The following NPAS3 variants were observed in gnomAD, a reference collection of about 807,000 sequenced individuals.
NPAS3 encodes the protein neuronal PAS domain-containing protein 3.
In NPAS3, 14 loss-of-function variants were observed where a neutral mutation model predicts 73.1. That is an observed-to-expected ratio of 0.19 (90% CI 0.13 to 0.30). The LOEUF (loss-of-function observed/expected upper bound fraction) is 0.30. Ranked by LOEUF, NPAS3 falls within the 10% of genes least tolerant of loss-of-function variation. The pLI is 1.00. For synonymous variants in NPAS3, 620 were observed against 541.5 expected (o/e 1.14, Z -2.01); for missense variants, 1,096 against 1,250.0 (o/e 0.88, Z 1.86).
At chr14:33,331,605 T>G (rs1448420933) in intron 3 of NPAS3, among the ~76,000 whole-genome samples, 1 of 151,970 alleles carries the variant, frequency 6.6e-6, no homozygotes, top group East Asian at 1.9e-4. Context: ...TATTACTGTT[T>G]CTGGGACTCC....
rs188871437 is a variant in NPAS3, at chr14:33,147,754, T to C, written c.141-67428T>C. 9.8e-3 allele frequency among the ~76,000 whole-genome samples: 1,395 copies of C among 142,414 alleles called. 14 individuals are homozygous for C. Among genetic ancestry groups the C allele is most frequent in the African/African-American group, 0.016 (596 of 37,120 alleles). The allele number at this position is 142,414 out of a possible 152,430, so 93.4% of individuals were successfully genotyped here. A position where few individuals can be genotyped will look rare whatever the true frequency, so the allele number is the denominator to read the frequency against. On this transcript the variant is annotated intron_variant, in intron 2 of 11. Coordinates refer to ENST00000356141, the Ensembl canonical transcript of NPAS3. ...AAATATATATATATATATATATATA[T>C]ACACACAAAAAAGTTTGGATTAAAA...
intron 2 of NPAS3, among the ~76,000 whole-genome samples, chr14:33,139,561 T>C (rs1025599464): frequency 6.6e-6 from 1 of 152,152 alleles, no homozygotes; most frequent in Non-Finnish European, 1.5e-5. Context: ...CTGAGTATGT[T>C]GGCATATTAA....
intron 2 of NPAS3, among the ~76,000 whole-genome samples, chr14:33,136,058 CTTT>C (rs34308954): frequency 6.9e-5 from 8 of 115,426 alleles, no homozygotes; most frequent in Admixed American, 1.8e-4. Context: ...TACCTTTTTT[CTTT>C]TTTTTTTTTT....
intron 3 of NPAS3, among the ~76,000 whole-genome samples, chr14:33,298,280 C>G (rs2042388104): frequency 6.6e-6 from 1 of 152,196 alleles, no homozygotes; most frequent in Admixed American, 6.5e-5. Context: ...GAGCCTCCAT[C>G]TCAAAAACAA....
intron 5 of NPAS3, among the ~76,000 whole-genome samples, chr14:33,572,534 T>C (rs2056256919): frequency 1.3e-5 from 2 of 152,292 alleles, no homozygotes; most frequent in South Asian, 4.1e-4. Context: ...TTAAATAGCT[T>C]GCCCAAGATC....
At chr14:33,556,351 G>C (rs1157727617) in intron 4 of NPAS3, among the ~76,000 whole-genome samples, 2 of 152,116 alleles carry the variant, frequency 1.3e-5, no homozygotes, top group African/African-American at 2.4e-5. Context: ...AATATCAGGA[G>C]GTATCCCAGA....
intron 3 of NPAS3, among the ~76,000 whole-genome samples, chr14:33,230,209 G>A (rs1233049097): frequency 1.3e-5 from 2 of 152,160 alleles, no homozygotes; most frequent in African/African-American, 2.4e-5. Flanking sequence ...TTTAAGTGCT[G>A]AAGGAAATGC....
chr14:33,383,206 A>G (rs769996254), intron 4 of NPAS3, among the ~76,000 whole-genome samples: 3 of 151,510 alleles, frequency 2.0e-5, no homozygotes, highest in Non-Finnish European at 2.9e-5. Context: ...TTCCTGTTAG[A>G]TTGTAAGCAA....
At chr14:33,212,702 GCC>G (rs1418418052) in intron 2 of NPAS3, among the ~76,000 whole-genome samples, 2 of 152,034 alleles carry the variant, frequency 1.3e-5, no homozygotes, top group African/African-American at 4.8e-5. Context: ...TTATTGATAA[GCC>G]TATACATTAA....
At chr14:33,550,123 A>G (rs1455811387) in intron 4 of NPAS3, among the ~76,000 whole-genome samples, 1 of 152,016 alleles carries the variant, frequency 6.6e-6, no homozygotes, top group African/African-American at 2.4e-5. Flanking sequence ...CCTCAATTAG[A>G]CCACAGAGAA....
chr14:33,393,910 A>G (rs902090656), intron 4 of NPAS3, among the ~76,000 whole-genome samples: 1 of 152,198 alleles, frequency 6.6e-6, no homozygotes, highest in African/African-American at 2.4e-5. Context: ...AAAGTCAATA[A>G]GGACATTAGA....
chr14:33,496,632 C>T (rs1436579282), intron 4 of NPAS3, among the ~76,000 whole-genome samples: 1 of 152,068 alleles, frequency 6.6e-6, no homozygotes, highest in African/African-American at 2.4e-5. Flanking sequence ...CAGAAAAGGC[C>T]TTCGATAAAA....
intron 7 of NPAS3, among the ~76,000 whole-genome samples, chr14:33,769,534 T>G (rs1276186153): frequency 6.6e-6 from 1 of 152,238 alleles, no homozygotes; most frequent in Non-Finnish European, 1.5e-5. Context: ...TTTCTCCTGC[T>G]GACACCAATT....
chr14:33,627,905 A>C (rs2058266403), intron 5 of NPAS3, among the ~76,000 whole-genome samples: 1 of 152,148 alleles, frequency 6.6e-6, no homozygotes, highest in Non-Finnish European at 1.5e-5. Flanking sequence ...ATGTAAATAA[A>C]CCCTCAAGAA....
rs78038521 is a variant in NPAS3, at chr14:33,062,235, C to T, written c.140+6241C>T. Among the ~76,000 whole-genome samples, 1,309 of 150,642 alleles carry T rather than the reference C, an allele frequency of 8.7e-3. 17 individuals carry two copies. The highest frequency in any genetic ancestry group is 0.015 in the Non-Finnish European group (1,041 of 67,856). On this transcript the variant is annotated intron_variant, in intron 2 of 11. Transcript: ENST00000356141. ...CTCTCCTCTTCTTTGTTTCACAACT[C>T]TTGTAACTTGCTTTGCAAGAAGGAA...
chr14:33,094,101 A>G (rs1324948060), intron 2 of NPAS3, among the ~76,000 whole-genome samples: 1 of 133,690 alleles, frequency 7.5e-6, no homozygotes, highest in East Asian at 2.2e-4. Context: ...CATGTACCCT[A>G]GAACTTAAAG....
chr14:33,296,380 C>T (rs1566769859), intron 3 of NPAS3, among the ~76,000 whole-genome samples: 1 of 152,180 alleles, frequency 6.6e-6, no homozygotes, highest in African/African-American at 2.4e-5. Flanking sequence ...GTAGTGAAAA[C>T]TTCGCTTAAA....
In NPAS3 at chr14:33,558,428, T is replaced by G. The variant is rs148587098; in HGVS notation, c.469-1693T>G. On this transcript the variant is annotated intron_variant, in intron 4 of 11. Coordinates refer to ENST00000356141, the Ensembl canonical transcript of NPAS3. ...GGTGTGCCACCACACCCAGCTAATTTTTGTATTTTTAGTAGAGATGGGGTT... is the reference window on the plus strand; with the variant it reads ...GGTGTGCCACCACACCCAGCTAATTGTTGTATTTTTAGTAGAGATGGGGTT... Among the ~76,000 whole-genome samples, 1,106 of 152,148 alleles carry G rather than the reference T, an allele frequency of 7.3e-3. 15 individuals are homozygous for G. The highest frequency in any genetic ancestry group is 0.024 in the African/African-American group (1,011 of 41,484).
chr14:33,028,867 G>C (rs186316596), intron 1 of NPAS3, among the ~76,000 whole-genome samples: 2 of 152,078 alleles, frequency 1.3e-5, no homozygotes, highest in Non-Finnish European at 2.9e-5. Context: ...TGTAGGATGC[G>C]CAGGTTTGTT....
Sources: allele counts gnomAD v4.1 joint callset (sites outside exome capture counted in the v4.1 genomes callset), GRCh38; gene constraint gnomAD v4.1.1; transcripts MANE v1.5; gene names NCBI Gene and HGNC (gene_info 2026-07-23, HGNC 2026-07-21).